LCP2: variants seen among roughly 807,000 people sequenced by gnomAD.
The protein encoded by LCP2 is lymphocyte cytosolic protein 2.
A neutral mutation model predicts 74.5 loss-of-function variants in LCP2; 29 were observed. That is an observed-to-expected ratio of 0.39 (90% CI 0.29 to 0.53). The LOEUF (loss-of-function observed/expected upper bound fraction) is 0.53, where lower values mean the gene tolerates loss of function less well. Among genes scored for constraint, LCP2 ranks in the 20% least tolerant of loss-of-function variants. The probability of loss-of-function intolerance (pLI) is 0.72; values close to 1 mark genes in which losing one functional copy is unlikely to be tolerated. For missense variants in LCP2, 604 were observed against 634.6 expected (o/e 0.95, Z 0.52); for synonymous variants, 228 against 229.5 (o/e 0.99, Z 0.06).
intron 20 of LCP2, among the ~76,000 whole-genome samples, chr5:170,249,049 C>A (rs1377436064): frequency 2.0e-5 from 3 of 152,148 alleles, no homozygotes; most frequent in Admixed American, 1.3e-4. Context: ...GGGCCGGGTG[C>A]AGTAATTCAC....
At chr5:170,262,542 C>T (rs545974021) in intron 13 of LCP2, 93 bp downstream of exon 13, 16 of 896,244 alleles carry the variant, frequency 1.8e-5, no homozygotes, top group African/African-American at 3.4e-5. Context: ...CCGGGAGCAC[C>T]GAGGAGCCTC....
chr5:170,277,743 C>CAAA lies in LCP2; in HGVS notation c.189-1886_189-1884dup, dbSNP rs371915364. Among the ~76,000 whole-genome samples the CAAA allele has an allele frequency of 9.7e-3, 1,137 of 117,606 alleles. 11 individuals are homozygous for CAAA. Among genetic ancestry groups the CAAA allele is most frequent in the Non-Finnish European group, 0.016 (895 of 56,016 alleles). The allele number at this position is 117,606 out of a possible 152,430, so 77.2% of individuals were successfully genotyped here. A position where few individuals can be genotyped will look rare whatever the true frequency, so the allele number is the denominator to read the frequency against. Reference sequence around the variant, plus strand: ...TGGGGACAGGAGCAAAACTTCGTCTCAAAAAAAAAAAAAAAAAAAAGAAAG... The same window carrying CAAA: ...TGGGGACAGGAGCAAAACTTCGTCTCAAAAAAAAAAAAAAAAAAAAAAAGAAAG... On this transcript the variant is annotated intron_variant, in intron 3 of 20. Transcript: ENST00000046794.
intron 4 of LCP2, 171 bp from the exon 5 acceptor site, chr5:170,275,522 T>C (rs1036762832): frequency 1.4e-6 from 1 of 737,222 alleles, no homozygotes; most frequent in Non-Finnish European, 2.2e-6. Flanking sequence ...CCCTGAAAAT[T>C]CTGGAAATCA....
chr5:170,262,254 T>C (rs996656381), intron 13 of LCP2, among the ~76,000 whole-genome samples: 5 of 152,046 alleles, frequency 3.3e-5, no homozygotes, highest in African/African-American at 1.2e-4. Context: ...CTGAAAAACC[T>C]CCCCCAACCA....
intron 2 of LCP2, among the ~76,000 whole-genome samples, chr5:170,291,567 C>A (rs1455480097): frequency 6.6e-6 from 1 of 152,234 alleles, no homozygotes; most frequent in Non-Finnish European, 1.5e-5. Flanking sequence ...GGAAACATAG[C>A]TGCCTAGATA....
chr5:170,274,218 A>T, intron 6 of LCP2, 83 bp downstream of exon 6: 1 of 1,419,076 alleles, frequency 7.0e-7, no homozygotes, highest in Admixed American at 1.9e-5. Flanking sequence ...GCCCCGCTTC[A>T]CTTGGCTCCA....
intron 3 of LCP2, among the ~76,000 whole-genome samples, chr5:170,287,566 G>T (rs1196510103): frequency 6.6e-6 from 1 of 152,184 alleles, no homozygotes; most frequent in Admixed American, 6.5e-5. Flanking sequence ...TATATCCATT[G>T]CTGTCATCTG....
intron 1 of LCP2, among the ~76,000 whole-genome samples, chr5:170,295,690 A>C (rs1267099307): frequency 1.3e-5 from 2 of 152,172 alleles, no homozygotes; most frequent in African/African-American, 2.4e-5. Context: ...TCTGCGGTCC[A>C]TTCGTTTGGT....
intron 6 of LCP2, among the ~76,000 whole-genome samples, chr5:170,272,231 CCT>C (rs1165680609): frequency 6.6e-6 from 1 of 152,226 alleles, no homozygotes; most frequent in Non-Finnish European, 1.5e-5. Flanking sequence ...ACAGAATTTT[CCT>C]CTCTGCTTCT....
At chr5:170,269,357 G>A (rs537261444) in intron 7 of LCP2, among the ~76,000 whole-genome samples, 2 of 152,312 alleles carry the variant, frequency 1.3e-5, no homozygotes, top group East Asian at 1.9e-4. Context: ...TGCCCTGGGT[G>A]CCTCTCTTGC....
intron 1 of LCP2, among the ~76,000 whole-genome samples, chr5:170,295,815 CA>C (rs1762369321): frequency 6.6e-6 from 1 of 152,180 alleles, no homozygotes; most frequent in African/African-American, 2.4e-5. Context: ...TTTCTTCCCT[CA>C]GTCCATTTAT....
chr5:170,261,407 G>GTGTA lies in LCP2; in HGVS notation c.927-271_927-270insTACA, dbSNP rs150577805. Among the ~76,000 whole-genome samples, 551 of 146,316 alleles carry GTGTA rather than the reference G, an allele frequency of 3.8e-3. 5 individuals are homozygous for GTGTA. Among genetic ancestry groups the GTGTA allele is most frequent in the Admixed American group, 0.012 (173 of 14,668 alleles). ...AATAATTATGTGTGTGTGTGTGTGT[G>GTGTA]TATATATATATATATACACACTCTA... On this transcript the variant is annotated intron_variant, in intron 13 of 20. Coordinates refer to ENST00000046794, the MANE Select transcript of LCP2 (RefSeq NM_005565.5).
In LCP2 at chr5:170,262,693, T is replaced by C; in HGVS notation, c.868A>G (p.Thr290Ala). ...PKIQKPPLPP[T>A]TERHERSSPL... Reference sequence around the variant, plus strand: ...CTGCTCCTTTCATGTCTTTCCGTGGTCGGTGGTAAAGGAGGCTTTTGAATC... The same window carrying C: ...CTGCTCCTTTCATGTCTTTCCGTGGCCGGTGGTAAAGGAGGCTTTTGAATC... The change falls in exon 13 of 21, where the codon ACC (threonine) becomes GCC (alanine). Residue 290 changes from threonine (T) to alanine (A), a missense_variant. Thr to Ala is a moderately conservative substitution (Grantham distance 58). Coordinates refer to ENST00000046794, the MANE Select transcript of LCP2 (RefSeq NM_005565.5). 1 of 1,613,984 alleles carries C rather than the reference T, an allele frequency of 6.2e-7. No homozygotes were observed.
rs75636840 is a variant in LCP2, at chr5:170,270,298, T to C, written c.523+421A>G. Among the ~76,000 whole-genome samples, 11 of 152,360 alleles carry C rather than the reference T, an allele frequency of 7.2e-5. No individual in the cohort carries two copies. The East Asian group carries it at 2.1e-3, about 29-fold the overall frequency. On this transcript the variant is annotated intron_variant, in intron 7 of 20. Coordinates refer to ENST00000046794, the MANE Select transcript of LCP2 (RefSeq NM_005565.5). ...TCAAACCCTACTCAATATCTTCATG[T>C]TTATTCTAGCATAATAATGCCATGT...
Position 170,248,536 on chromosome 5 carries a change from G to A in LCP2, c.*161C>T. 1 of 719,458 alleles carries A rather than the reference G, an allele frequency of 1.4e-6. No homozygotes were observed. The highest frequency in any genetic ancestry group is 2.4e-6 in the Non-Finnish European group (1 of 421,592). The allele number at this position is 719,458 out of a possible 1,614,324, so 44.6% of individuals were successfully genotyped here. On this transcript the variant is annotated 3_prime_UTR_variant, in exon 21 of 21. Coordinates refer to ENST00000046794, the MANE Select transcript of LCP2 (RefSeq NM_005565.5). ...TAAATAAATTATGGGATAGTTGACA[G>A]TCTTCATTTCAAACACTGTTTTTAA...
chr5:170,257,481 TG>T (rs1257198956), intron 16 of LCP2, among the ~76,000 whole-genome samples: 1 of 152,066 alleles, frequency 6.6e-6, no homozygotes, highest in Non-Finnish European at 1.5e-5. Flanking sequence ...CTGGAGGACT[TG>T]GGGGACACCA....
At position 170,275,617 on chromosome 5, in the gene LCP2, C is replaced by T. The variant is rs147635612; in HGVS notation, c.254+178G>A. 2.8e-3 allele frequency: 1,816 copies of T among 654,812 alleles called. 26 individuals are homozygous for T. The African/African-American group carries it at 0.029, about 11-fold the overall frequency. The allele number at this position is 654,812 out of a possible 1,614,324, so 40.6% of individuals were successfully genotyped here. A position where few individuals can be genotyped will look rare whatever the true frequency, so the allele number is the denominator to read the frequency against. On this transcript the variant is annotated intron_variant, in intron 4 of 20. Transcript: ENST00000046794. ...TCCCCTGATGTCCCAGACCCAGGGACAGGATGCAGAGCAGGGGAGGGAACC... is the reference window on the plus strand; with the variant it reads ...TCCCCTGATGTCCCAGACCCAGGGATAGGATGCAGAGCAGGGGAGGGAACC...
chr5:170,296,166 A>G (rs1461701023), intron 1 of LCP2, among the ~76,000 whole-genome samples: 1 of 152,074 alleles, frequency 6.6e-6, no homozygotes, highest in African/African-American at 2.4e-5. Flanking sequence ...TTGTTGCCCT[A>G]TCTTATTTGG....
rs1275103066 is a variant in LCP2, at chr5:170,268,413, G to A, written c.593C>T (p.Pro198Leu). The change falls in exon 8 of 21, where the codon CCG (proline) becomes CTG (leucine). Residue 198 changes from proline (P) to leucine (L), a missense_variant. By Grantham distance (98) the Pro-to-Leu change is moderately conservative. Transcript: ENST00000046794. ...GTGATTCCGGCCGGCTGGTGGGGGCGGGAGGGCGGCCATCGGTCTCTGGGG... is the reference window on the plus strand; with the variant it reads ...GTGATTCCGGCCGGCTGGTGGGGGCAGGAGGGCGGCCATCGGTCTCTGGGG... ...VPPQRPMAAL[P>L]PPPAGRNHSP... 6.5e-6 allele frequency: 5 copies of A among 763,760 alleles called. No individual in the cohort carries two copies. Among genetic ancestry groups the A allele is most frequent in the Admixed American group, 1.0e-4 (2 of 19,678 alleles). 47.3% of individuals were successfully genotyped at this position (763,760 alleles called of 1,614,324 possible).
Sources: gnomAD v4.1 joint callset for allele counts (sites outside exome capture counted in the v4.1 genomes callset) on GRCh38, gnomAD v4.1.1 for gene constraint, MANE v1.5 for transcripts, NCBI Gene and HGNC (gene_info 2026-07-23, HGNC 2026-07-21) for gene names.